GRM1: variants seen among roughly 807,000 people sequenced by gnomAD.
The protein encoded by GRM1 is glutamate metabotropic receptor 1.
In GRM1, 33 loss-of-function variants were observed where a neutral mutation model predicts 90.9. The observed-to-expected ratio is 0.36, with a 90% CI of 0.28 to 0.49. The LOEUF is 0.49. Among genes scored for constraint, GRM1 ranks in the 20% least tolerant of loss-of-function variants. The pLI is 0.99. For synonymous variants in GRM1, 700 were observed against 613.2 expected (o/e 1.14, Z -2.09); for missense variants, 1,190 against 1,534.3 (o/e 0.78, Z 3.75).
At chr6:146,125,507 T>G in intron 1 of GRM1, among the ~76,000 whole-genome samples, 1 of 151,476 alleles carries the variant, frequency 6.6e-6, no homozygotes, top group South Asian at 2.1e-4. Flanking sequence ...CTTGTGTACT[T>G]TCTCTCCCTC....
intron 2 of GRM1, among the ~76,000 whole-genome samples, chr6:146,228,333 C>T (rs1005335618): frequency 3.9e-5 from 6 of 152,150 alleles, no homozygotes; most frequent in African/African-American, 1.4e-4. Context: ...TGCGTTATCC[C>T]ATGGCAGAAG....
chr6:146,230,969 A>G (rs1222677761), intron 2 of GRM1, among the ~76,000 whole-genome samples: 1 of 152,158 alleles, frequency 6.6e-6, no homozygotes, highest in African/African-American at 2.4e-5. Flanking sequence ...AACTATAGAG[A>G]CAATAAAAAG....
intron 3 of GRM1, among the ~76,000 whole-genome samples, chr6:146,321,414 C>A (rs758539768): frequency 6.6e-6 from 1 of 152,068 alleles, no homozygotes. Context: ...AGAATAAGTG[C>A]GATGTGGTGC....
intron 2 of GRM1, among the ~76,000 whole-genome samples, chr6:146,208,028 TC>T (rs1779552670): frequency 6.6e-6 from 1 of 152,156 alleles, no homozygotes; most frequent in African/African-American, 2.4e-5. Flanking sequence ...ACAACAACCC[TC>T]AGGCTGCCTG....
intron 2 of GRM1, among the ~76,000 whole-genome samples, chr6:146,250,042 T>C (rs1045588981): frequency 1.3e-5 from 2 of 152,234 alleles, no homozygotes; most frequent in Non-Finnish European, 2.9e-5. Flanking sequence ...TTCTCTCATT[T>C]GGAATGGGAA....
intron 2 of GRM1, 40 bp downstream of exon 2, chr6:146,159,637 TC>T: frequency 1.6e-6 from 2 of 1,261,224 alleles, no homozygotes; most frequent in Non-Finnish European, 2.2e-6. Flanking sequence ...TCTCTCTCTC[TC>T]TCTCACACAC....
intron 2 of GRM1, among the ~76,000 whole-genome samples, chr6:146,229,758 T>C (rs1254230509): frequency 6.6e-6 from 1 of 152,184 alleles, no homozygotes; most frequent in Non-Finnish European, 1.5e-5. Context: ...AAATAGTGTA[T>C]ATTTGTAATA....
chr6:146,258,377 G>A (rs147384833), intron 2 of GRM1, among the ~76,000 whole-genome samples: 2 of 152,130 alleles, frequency 1.3e-5, no homozygotes, highest in Non-Finnish European at 2.9e-5. Context: ...TACCCAAGAG[G>A]GTTTTTTCCT....
intron 4 of GRM1, among the ~76,000 whole-genome samples, chr6:146,356,120 A>G (rs1335383123): frequency 6.6e-6 from 1 of 152,222 alleles, no homozygotes; most frequent in Non-Finnish European, 1.5e-5. Flanking sequence ...TGGTTATGCC[A>G]GTACAAAGTT....
At chr6:146,349,715 C>T (rs1032663045) in intron 3 of GRM1, among the ~76,000 whole-genome samples, 1 of 151,898 alleles carries the variant, frequency 6.6e-6, no homozygotes, top group African/African-American at 2.4e-5. Flanking sequence ...CATAATACCC[C>T]ATTGAAAAAA....
At chr6:146,142,805 C>G (rs1481824383) in intron 1 of GRM1, among the ~76,000 whole-genome samples, 1 of 152,142 alleles carries the variant, frequency 6.6e-6, no homozygotes, top group African/African-American at 2.4e-5. Context: ...GCTCTCTTCT[C>G]ACCCAGGGAA....
At chr6:146,355,357 TG>T (rs1225169688) in intron 4 of GRM1, among the ~76,000 whole-genome samples, 1 of 152,198 alleles carries the variant, frequency 6.6e-6, no homozygotes, top group African/African-American at 2.4e-5. Context: ...AATAACTTTC[TG>T]GTATGTCTAG....
chr6:146,049,856 C>G (rs1342545478), intron 1 of GRM1, among the ~76,000 whole-genome samples: 2 of 151,884 alleles, frequency 1.3e-5, no homozygotes, highest in Non-Finnish European at 2.9e-5. Flanking sequence ...TTGGTCCTCT[C>G]GATAACCCTA....
At chr6:146,394,396 A>T (rs771380098) in intron 6 of GRM1, among the ~76,000 whole-genome samples, 1 of 152,124 alleles carries the variant, frequency 6.6e-6, no homozygotes, top group Non-Finnish European at 1.5e-5. Flanking sequence ...AGTATGAATA[A>T]GCAAGAATAT....
At chr6:146,142,996 T>G (rs1583064248) in intron 1 of GRM1, among the ~76,000 whole-genome samples, 1 of 152,274 alleles carries the variant, frequency 6.6e-6, no homozygotes, top group East Asian at 1.9e-4. Flanking sequence ...GCTGGGAATG[T>G]GCTGGGTCAC....
At chr6:146,270,298 A>G (rs1394832058) in intron 2 of GRM1, among the ~76,000 whole-genome samples, 1 of 152,188 alleles carries the variant, frequency 6.6e-6, no homozygotes, top group African/African-American at 2.4e-5. Flanking sequence ...CATTCAGAAT[A>G]TTTTGAAAAT....
At chr6:146,048,269 G>A (rs1334970608) in intron 1 of GRM1, among the ~76,000 whole-genome samples, 1 of 151,922 alleles carries the variant, frequency 6.6e-6, no homozygotes, top group East Asian at 1.9e-4. Context: ...CAGGGTATTG[G>A]AATTCCTTGG....
At chr6:146,117,240 T>G (rs939425663) in intron 1 of GRM1, among the ~76,000 whole-genome samples, 1 of 151,566 alleles carries the variant, frequency 6.6e-6, no homozygotes, top group Non-Finnish European at 1.5e-5. Context: ...TTATATTTAT[T>G]GTATTCTCTG....
intron 3 of GRM1, among the ~76,000 whole-genome samples, chr6:146,336,206 A>G (rs943125744): frequency 1.4e-4 from 22 of 151,900 alleles, no homozygotes; most frequent in African/African-American, 4.8e-4. Context: ...CCTGAGCATT[A>G]TGGTGTAGTA....
Sources: allele counts gnomAD v4.1 joint callset (sites outside exome capture counted in the v4.1 genomes callset), GRCh38; gene constraint gnomAD v4.1.1; transcripts MANE v1.5; gene names NCBI Gene and HGNC (gene_info 2026-07-23, HGNC 2026-07-21).